NMNAT2: variants seen among roughly 807,000 people sequenced by gnomAD.
NMNAT2 encodes nicotinamide/nicotinic acid mononucleotide adenylyltransferase 2.
In NMNAT2, 11 loss-of-function variants were observed where a neutral mutation model predicts 41.6. The ratio of observed to expected loss-of-function variants is 0.26; its 90% CI spans 0.17 to 0.44. The LOEUF (loss-of-function observed/expected upper bound fraction) is 0.44, where lower values mean the gene tolerates loss of function less well. Ranked by LOEUF, NMNAT2 falls within the 20% of genes least tolerant of loss-of-function variation. The probability of loss-of-function intolerance (pLI) is 1.00; values close to 1 mark genes in which losing one functional copy is unlikely to be tolerated. For missense variants in NMNAT2, 288 were observed against 407.7 expected, an observed-to-expected ratio of 0.71 and a Z score of 2.53; for synonymous variants, 148 against 151.2, an observed-to-expected ratio of 0.98 and a Z score of 0.16.
chr1:183,270,189 AC>A (rs1463414030), intron 8 of NMNAT2, among the ~76,000 whole-genome samples: 1 of 152,048 alleles, frequency 6.6e-6, no homozygotes, highest in Non-Finnish European at 1.5e-5. Flanking sequence ...TGGCCTTGAA[AC>A]TTTTTTGGTT....
intron 1 of NMNAT2, among the ~76,000 whole-genome samples, chr1:183,300,629 A>G (rs141503155): frequency 7.9e-5 from 12 of 152,350 alleles, no homozygotes; most frequent in Non-Finnish European, 1.8e-4. Context: ...GGTGAAGAGT[A>G]CATGGTATCT....
In NMNAT2 at chr1:183,293,659, G is replaced by C. The variant is rs181274441; in HGVS notation, c.174+46C>G. The C allele has an allele frequency of 5.8e-6, 8 of 1,375,304 alleles. No individual in the cohort carries two copies. The African/African-American group carries it at 8.5e-5, about 15-fold the overall frequency. The allele number at this position is 1,375,304 out of a possible 1,614,324, so 85.2% of individuals were successfully genotyped here. ...TGCCAGGAACTATCAGGCCAGGGAT[G>C]GGGGGACGGGGATTGAAGAGGAGAG... On this transcript the variant is annotated intron_variant, in intron 2 of 10. Transcript: ENST00000287713.
intron 1 of NMNAT2, among the ~76,000 whole-genome samples, chr1:183,354,284 T>C (rs1047284416): frequency 2.0e-5 from 3 of 152,038 alleles, no homozygotes; most frequent in African/African-American, 7.2e-5. Context: ...GGAAGGACAA[T>C]GAGTAAGGTT....
chr1:183,391,469 T>C (rs1054960410), intron 1 of NMNAT2, among the ~76,000 whole-genome samples: 4 of 152,158 alleles, frequency 2.6e-5, no homozygotes, highest in Non-Finnish European at 5.9e-5. Flanking sequence ...GCCCCATCCG[T>C]TCTTCCATAT....
intron 1 of NMNAT2, among the ~76,000 whole-genome samples, chr1:183,399,089 C>T (rs1171772608): frequency 1.3e-5 from 2 of 151,832 alleles, no homozygotes; most frequent in Admixed American, 6.6e-5. Context: ...GATAGAGACA[C>T]AAAAAAACCT....
At chr1:183,381,248 TCA>T (rs1557894968) in intron 1 of NMNAT2, among the ~76,000 whole-genome samples, 1 of 152,176 alleles carries the variant, frequency 6.6e-6, no homozygotes, top group Non-Finnish European at 1.5e-5. Flanking sequence ...CCTCCCTCTC[TCA>T]ACCTCTGCAA....
intron 1 of NMNAT2, among the ~76,000 whole-genome samples, chr1:183,344,754 G>A (rs1329591233): frequency 1.3e-5 from 2 of 152,274 alleles, no homozygotes; most frequent in Non-Finnish European, 1.5e-5. Flanking sequence ...GAGGCCCCAC[G>A]AAGTACGAGG....
At chr1:183,256,124 C>G (rs539766568) in intron 10 of NMNAT2, among the ~76,000 whole-genome samples, 1 of 151,914 alleles carries the variant, frequency 6.6e-6, no homozygotes, top group Non-Finnish European at 1.5e-5. Flanking sequence ...AATAAATTGC[C>G]TTGCCGGGAG....
chr1:183,298,691 A>C (rs1373177622), intron 1 of NMNAT2, among the ~76,000 whole-genome samples: 1 of 152,228 alleles, frequency 6.6e-6, no homozygotes, highest in Non-Finnish European at 1.5e-5. Context: ...AACAAGTAGC[A>C]GAAGATGCTG....
chr1:183,369,088 C>T (rs978146817), intron 1 of NMNAT2, among the ~76,000 whole-genome samples: 1 of 152,114 alleles, frequency 6.6e-6, no homozygotes, highest in Non-Finnish European at 1.5e-5. Context: ...CGCAGCTCTG[C>T]CCCTGGTTTC....
At chr1:183,257,530 A>G (rs1311458351) in intron 10 of NMNAT2, among the ~76,000 whole-genome samples, 2 of 152,146 alleles carry the variant, frequency 1.3e-5, no homozygotes, top group African/African-American at 4.8e-5. Flanking sequence ...CTTTGTTGGG[A>G]AGTTTTTAAT....
intron 1 of NMNAT2, among the ~76,000 whole-genome samples, chr1:183,303,487 T>G (rs1157576934): frequency 6.6e-6 from 1 of 152,214 alleles, no homozygotes; most frequent in African/African-American, 2.4e-5. Context: ...TTGCCCGAGA[T>G]CACAGAGACA....
chr1:183,359,078 C>CTT (rs752308647), intron 1 of NMNAT2, among the ~76,000 whole-genome samples: 2 of 147,014 alleles, frequency 1.4e-5, no homozygotes, highest in African/African-American at 2.5e-5. Flanking sequence ...TCTATCTTGA[C>CTT]TTTTTTTTTT....
intron 10 of NMNAT2, among the ~76,000 whole-genome samples, chr1:183,255,228 A>G (rs1221774243): frequency 6.6e-6 from 1 of 152,116 alleles, no homozygotes; most frequent in African/African-American, 2.4e-5. Context: ...TTGACCATAT[A>G]TGTTTGAATT....
intron 1 of NMNAT2, among the ~76,000 whole-genome samples, chr1:183,379,047 A>AATATCTATATCT (rs71127348): frequency 0.043 from 6,057 of 139,730 alleles, 218 homozygotes; most frequent in Non-Finnish European, 0.058. Flanking sequence ...TGTCTCAAAA[A>AATATCTATATCT]ATATCTATAT....
intron 1 of NMNAT2, among the ~76,000 whole-genome samples, chr1:183,343,487 A>C (rs913533480): frequency 6.6e-6 from 1 of 152,132 alleles, no homozygotes; most frequent in Non-Finnish European, 1.5e-5. Flanking sequence ...TTTAAGTTCT[A>C]TGTTTGTTTT....
intron 1 of NMNAT2, among the ~76,000 whole-genome samples, chr1:183,313,901 ATC>A (rs1380654273): frequency 1.3e-5 from 2 of 152,156 alleles, no homozygotes; most frequent in East Asian, 3.8e-4. Flanking sequence ...TGAAGCAGAA[ATC>A]TCTGCTTCCA....
chr1:183,375,534 C>G (rs1663659216), intron 1 of NMNAT2, among the ~76,000 whole-genome samples: 1 of 152,212 alleles, frequency 6.6e-6, no homozygotes, highest in African/African-American at 2.4e-5. Flanking sequence ...AAAGACAACT[C>G]AAGTCTCAAC....
At chr1:183,304,615 C>G in intron 1 of NMNAT2, 13 of 1,516,694 alleles carry the variant, frequency 8.6e-6, no homozygotes, top group Non-Finnish European at 1.1e-5. Context: ...ACCATCTGCA[C>G]CTCCCTCCAG....
Sources: gnomAD v4.1 joint callset for allele counts (sites outside exome capture counted in the v4.1 genomes callset) on GRCh38, gnomAD v4.1.1 for gene constraint, MANE v1.5 for transcripts, NCBI Gene and HGNC (gene_info 2026-07-23, HGNC 2026-07-21) for gene names.